The following SPATA13 variants were observed in gnomAD, a reference collection of about 807,000 sequenced individuals.
The protein encoded by SPATA13 is spermatogenesis associated 13, also known as spermatogenesis-associated protein 13.
In SPATA13, 50 loss-of-function variants were observed where a neutral mutation model predicts 104.0. That is an observed-to-expected ratio of 0.48 (90% confidence interval 0.38 to 0.61). The LOEUF is 0.61. Ranked by LOEUF, SPATA13 falls within the 20% of genes least tolerant of loss-of-function variation. SPATA13 has a pLI of 0.00. For synonymous variants in SPATA13, 606 were observed against 667.5 expected, an observed-to-expected ratio of 0.91 and a Z score of 1.42; for missense variants, 1,524 against 1,690.6, an observed-to-expected ratio of 0.90 and a Z score of 1.73.
At chr13:24,128,258 A>G (rs1210367776) in intron 3 of SPATA13, among the ~76,000 whole-genome samples, 1 of 151,986 alleles carries the variant, frequency 6.6e-6, no homozygotes. Flanking sequence ...TTGTGCCCGG[A>G]GGGGTGACCT....
chr13:24,042,819 C>G (rs893250584), intron 3 of SPATA13, among the ~76,000 whole-genome samples: 3 of 152,204 alleles, frequency 2.0e-5, no homozygotes, highest in Admixed American at 6.5e-5. Context: ...CCAGTTCATT[C>G]TAACACATGT....
chr13:24,080,210 T>C (rs1264647077), intron 3 of SPATA13, among the ~76,000 whole-genome samples: 3 of 152,240 alleles, frequency 2.0e-5, no homozygotes, highest in Non-Finnish European at 4.4e-5. Flanking sequence ...CTCCTTCACA[T>C]GACCGTATGT....
intron 4 of SPATA13, among the ~76,000 whole-genome samples, chr13:24,259,625 T>G (rs1348292320): frequency 6.6e-6 from 1 of 152,216 alleles, no homozygotes; most frequent in African/African-American, 2.4e-5. Flanking sequence ...TTTACTTTTC[T>G]CTATTTAGGG....
chr13:24,198,236 G>GC (rs200156236), intron 1 of SPATA13, among the ~76,000 whole-genome samples: 1,955 of 152,082 alleles, frequency 0.013, 44 homozygotes, highest in African/African-American at 0.041. Flanking sequence ...CTTGTGATCT[G>GC]CCCCCCTTGG....
At chr13:24,137,957 AT>A (rs1488450394) in intron 3 of SPATA13, among the ~76,000 whole-genome samples, 1 of 152,056 alleles carries the variant, frequency 6.6e-6, no homozygotes, top group Non-Finnish European at 1.5e-5. Context: ...TGTTCTTGAA[AT>A]TTTACTCTGC....
At chr13:24,284,932 C>T (rs944514783) in intron 5 of SPATA13, among the ~76,000 whole-genome samples, 6 of 152,138 alleles carry the variant, frequency 3.9e-5, no homozygotes, top group Non-Finnish European at 7.3e-5. Context: ...TACTGGCTGG[C>T]GAATGGCAGA....
At chr13:24,189,510 T>TAA (rs1455660700) in intron 1 of SPATA13, among the ~76,000 whole-genome samples, 1 of 129,072 alleles carries the variant, frequency 7.7e-6, no homozygotes, top group South Asian at 2.4e-4. Context: ...TATATATATA[T>TAA]AATATATTTA....
intron 4 of SPATA13, among the ~76,000 whole-genome samples, chr13:24,271,765 A>G (rs1337582323): frequency 6.6e-6 from 1 of 152,184 alleles, no homozygotes; most frequent in Non-Finnish European, 1.5e-5. Flanking sequence ...CCTGAAATGA[A>G]TGGGAACCGT....
chr13:24,050,197 G>T (rs1368550414), intron 3 of SPATA13, among the ~76,000 whole-genome samples: 2 of 152,180 alleles, frequency 1.3e-5, no homozygotes, highest in African/African-American at 4.8e-5. Context: ...ACCATCTGGG[G>T]AAGTCACAGT....
intron 3 of SPATA13, chr13:24,123,100 A>G: frequency 1.0e-6 from 1 of 995,644 alleles, no homozygotes; most frequent in Non-Finnish European, 1.6e-6. Flanking sequence ...CTATATTCAC[A>G]GATCATTTTC....
rs368297358 is a variant in SPATA13 at position 24,005,881 on chromosome 13, T to G, written c.-146-11786T>G. 4.6e-5 allele frequency among the ~76,000 whole-genome samples: 7 copies of G among 152,208 alleles called. No homozygotes were observed. In the South Asian group the frequency reaches 1.4e-3, roughly 31 times the overall value. On this transcript the variant is annotated intron_variant, in intron 2 of 14. Transcript: ENST00000424834. Reference sequence around the variant, plus strand: ...AGCTGACATTTTTTTCCCTTCTTAATAAAGACATCCACCCCCTTGACCTTT... The same window carrying G: ...AGCTGACATTTTTTTCCCTTCTTAAGAAAGACATCCACCCCCTTGACCTTT...
In SPATA13 at chr13:24,223,950, G is replaced by T. The variant is rs1019952652; in HGVS notation, c.1021G>T (p.Ala341Ser). ...GAGGAGGGAGAGTCCTAGGAGTGGGGCCCCATCCCCTGGAGAGGCCAGCCT... is the reference window on the plus strand; with the variant it reads ...GAGGAGGGAGAGTCCTAGGAGTGGGTCCCCATCCCCTGGAGAGGCCAGCCT... Reference protein sequence around the residue: ...AWRRESPRSGAPSPGEASLRL... With the variant: ...AWRRESPRSGSPSPGEASLRL... Residue 341 changes from alanine to serine, a missense_variant, in exon 2 of 13, where the codon GCC becomes TCC. Ala to Ser is a moderately conservative substitution (Grantham distance 99, BLOSUM62 1). Around this residue, in one of 2 missense-constraint regions of SPATA13, gnomAD observed 1,089 missense variants for 1,135.9 expected, o/e 0.96. Transcript: ENST00000382108. 8 of 1,550,316 alleles carry T rather than the reference G, an allele frequency of 5.2e-6. No homozygotes were observed. In the Admixed American group the frequency reaches 1.6e-4, roughly 30 times the overall value.
chr13:24,291,691 C>T (rs996548719), intron 9 of SPATA13, among the ~76,000 whole-genome samples: 5 of 152,142 alleles, frequency 3.3e-5, no homozygotes, highest in Non-Finnish European at 5.9e-5. Context: ...GTTTGGATCT[C>T]GGCTTCTCCT....
chr13:24,206,512 C>T (rs951849140), intron 1 of SPATA13, among the ~76,000 whole-genome samples: 15 of 152,190 alleles, frequency 9.9e-5, no homozygotes, highest in Non-Finnish European at 2.2e-4. Flanking sequence ...GGTGATTCCT[C>T]AGTGATCTAG....
intron 1 of SPATA13, among the ~76,000 whole-genome samples, chr13:24,197,564 T>C (rs966327832): frequency 6.6e-6 from 1 of 152,198 alleles, no homozygotes; most frequent in African/African-American, 2.4e-5. Context: ...TTACCTTTTC[T>C]GAAAGATAGA....
intron 1 of SPATA13, among the ~76,000 whole-genome samples, chr13:24,189,234 G>A (rs1869351407): frequency 6.6e-6 from 1 of 151,988 alleles, no homozygotes; most frequent in Non-Finnish European, 1.5e-5. Context: ...CACTTTGGGA[G>A]GCCGAGGCCG....
chr13:24,143,658 C>T (rs762890493), intron 3 of SPATA13, among the ~76,000 whole-genome samples: 6 of 152,092 alleles, frequency 3.9e-5, no homozygotes, highest in South Asian at 2.1e-4. Flanking sequence ...CTCTGGGGGA[C>T]GTCCTGATAC....
Position 24,218,592 on chromosome 13 carries a change from T to C in SPATA13, c.-111-4227T>C, listed in dbSNP as rs189303043. Among the ~76,000 whole-genome samples the C allele has an allele frequency of 7.5e-4, 115 of 152,326 alleles. 1 individual carries two copies. Among genetic ancestry groups the C allele is most frequent in the African/African-American group, 2.6e-3 (110 of 41,562 alleles). ...AATATGTTTTCTTTCAGTGTCACTTTGTTATCATGTAAATCAAGCTTCTCT... is the reference window on the plus strand; with the variant it reads ...AATATGTTTTCTTTCAGTGTCACTTCGTTATCATGTAAATCAAGCTTCTCT... On this transcript the variant is annotated intron_variant, in intron 1 of 12. Transcript: ENST00000382108.
At chr13:24,005,128 C>CT (rs1876165431) in intron 2 of SPATA13, among the ~76,000 whole-genome samples, 1 of 152,198 alleles carries the variant, frequency 6.6e-6, no homozygotes, top group Non-Finnish European at 1.5e-5. Flanking sequence ...TGGAAGAACT[C>CT]TGCTTTCTCT....
Sources: allele counts gnomAD v4.1 joint callset (sites outside exome capture counted in the v4.1 genomes callset), GRCh38; gene constraint gnomAD v4.1.1; regional missense constraint gnomAD v4.1.1; transcripts MANE v1.5; gene names NCBI Gene and HGNC (gene_info 2026-07-23, HGNC 2026-07-21).